Variants in TMEM131 observed in about 807,000 individuals in gnomAD.
TMEM131 encodes the protein 2610524E03Rik.
In TMEM131, 66 loss-of-function variants were observed where a neutral mutation model predicts 211.6. That is an observed-to-expected ratio of 0.31 (90% CI 0.26 to 0.38). The LOEUF (loss-of-function observed/expected upper bound fraction) is 0.38. TMEM131 is among the 10% of genes least tolerant of loss of function. The pLI is 1.00. For missense variants in TMEM131, 2,036 were observed against 2,299.3 expected, an observed-to-expected ratio of 0.89 and a Z score of 2.34; for synonymous variants, 844 against 841.3, an observed-to-expected ratio of 1.00 and a Z score of -0.06.
chr2:97,817,149 C>T (rs559309226), intron 12 of TMEM131, among the ~76,000 whole-genome samples: 1 of 151,842 alleles, frequency 6.6e-6, no homozygotes, highest in Non-Finnish European at 1.5e-5. Flanking sequence ...AATGACATCG[C>T]ATTTATCTCA....
Position 97,766,160 on chromosome 2 carries a change from A to G in TMEM131, c.4677T>C (p.Ser1559=). The G allele has an allele frequency of 6.2e-7, 1 of 1,614,030 alleles. No homozygotes were observed. The highest frequency in any genetic ancestry group is 1.7e-5 in the Admixed American group (1 of 60,020). The change falls in exon 35 of 41, where the codon TCT becomes TCC. Residue 1559 remains serine (S), a synonymous_variant. Transcript: ENST00000186436. ...NTSSSEGEKD[S]PPPEWDSVPV... is the part of the protein sequence containing the mutation. ...GAACGGAATCCCACTCCGGTGGAGG[A>G]GAGTCTTTTTCACCCTCTGAGCTAC...
At chr2:97,924,169 G>A (rs1382546301) in intron 2 of TMEM131, among the ~76,000 whole-genome samples, 8 of 152,150 alleles carry the variant, frequency 5.3e-5, no homozygotes, top group African/African-American at 1.4e-4. Flanking sequence ...AAGATGGCTT[G>A]AGGCTAGGAA....
At chr2:97,839,250 C>A (rs1016317549) in intron 7 of TMEM131, among the ~76,000 whole-genome samples, 1 of 152,100 alleles carries the variant, frequency 6.6e-6, no homozygotes, top group Non-Finnish European at 1.5e-5. Context: ...TTGGTTGAGC[C>A]TGGGAGGTCA....
chr2:97,940,194 AT>A (rs1019415970), intron 1 of TMEM131, among the ~76,000 whole-genome samples: 1 of 152,218 alleles, frequency 6.6e-6, no homozygotes, highest in African/African-American at 2.4e-5. Flanking sequence ...GGAGAAAGAA[AT>A]AAAGGGGTAT....
intron 19 of TMEM131, among the ~76,000 whole-genome samples, chr2:97,808,671 C>T (rs1424272052): frequency 3.3e-5 from 5 of 152,162 alleles, no homozygotes; most frequent in African/African-American, 7.2e-5. Context: ...TGGGAAGAAA[C>T]GATCTCTCAT....
intron 1 of TMEM131, among the ~76,000 whole-genome samples, chr2:97,977,591 T>C (rs902634206): frequency 1.3e-5 from 2 of 152,238 alleles, no homozygotes; most frequent in Non-Finnish European, 2.9e-5. Flanking sequence ...TTACACTGTA[T>C]TGTAATCTAT....
At chr2:97,891,366 C>G (rs902910948) in intron 3 of TMEM131, among the ~76,000 whole-genome samples, 4 of 152,112 alleles carry the variant, frequency 2.6e-5, no homozygotes, top group African/African-American at 7.2e-5. Context: ...ACAGATGCAG[C>G]ATGCCAGTGT....
chr2:97,995,737 C>G lies in TMEM131; in HGVS notation c.-75G>C. The G allele has an allele frequency of 9.1e-7, 1 of 1,098,996 alleles. No individual in the cohort carries two copies. Among genetic ancestry groups the G allele is most frequent in the African/African-American group, 1.7e-5 (1 of 60,512 alleles). The allele number at this position is 1,098,996 out of a possible 1,614,324, so 68.1% of individuals were successfully genotyped here. ...GGCGAGGCGGCGGCGGCGCGGAAGC[C>G]GTGGTCCGGGCTCTGGCCGCGGCGC... On this transcript the variant is annotated 5_prime_UTR_variant, in exon 1 of 41. Transcript: ENST00000186436.
intron 31 of TMEM131, among the ~76,000 whole-genome samples, chr2:97,789,181 AG>A (rs1680385774): frequency 1.3e-5 from 2 of 152,234 alleles, no homozygotes; most frequent in Admixed American, 1.3e-4. Flanking sequence ...AGCACTCTTC[AG>A]CCTCTGCTTT....
chr2:97,853,660 T>C (rs1673721375), intron 5 of TMEM131, among the ~76,000 whole-genome samples: 1 of 150,458 alleles, frequency 6.6e-6, no homozygotes, highest in African/African-American at 2.4e-5. Context: ...GGTTAAAATG[T>C]CAACAATAGG....
chr2:97,937,348 AGGTT>A (rs1268060090), intron 1 of TMEM131, among the ~76,000 whole-genome samples: 7 of 152,272 alleles, frequency 4.6e-5, no homozygotes, highest in South Asian at 4.1e-4. Flanking sequence ...ACTCAAAAAT[AGGTT>A]GGTTAAGATT....
intron 2 of TMEM131, among the ~76,000 whole-genome samples, chr2:97,921,953 A>C (rs141479354): frequency 6.6e-5 from 10 of 152,354 alleles, no homozygotes; most frequent in East Asian, 3.9e-4. Flanking sequence ...AAACTAAAAC[A>C]ACCACTTTGG....
intron 3 of TMEM131, among the ~76,000 whole-genome samples, chr2:97,892,064 A>G (rs1352507117): frequency 3.3e-5 from 5 of 152,364 alleles, no homozygotes; most frequent in Non-Finnish European, 7.3e-5. Context: ...ATTTAAATGA[A>G]TAAGACTTCT....
intron 1 of TMEM131, among the ~76,000 whole-genome samples, chr2:97,938,932 G>A (rs1677580321): frequency 6.6e-6 from 1 of 152,004 alleles, no homozygotes; most frequent in Non-Finnish European, 1.5e-5. Context: ...ATGACTACTG[G>A]GTACATAACG....
intron 5 of TMEM131, among the ~76,000 whole-genome samples, chr2:97,852,954 A>C (rs918509384): frequency 6.6e-6 from 1 of 152,252 alleles, no homozygotes; most frequent in Non-Finnish European, 1.5e-5. Context: ...CCTAGATAAC[A>C]GCACATCTAT....
At chr2:97,954,472 G>A (rs1678467972) in intron 1 of TMEM131, among the ~76,000 whole-genome samples, 1 of 152,198 alleles carries the variant, frequency 6.6e-6, no homozygotes, top group South Asian at 2.1e-4. Context: ...GAAATGGCCT[G>A]CATATACCCA....
At chr2:97,936,024 C>T (rs1206568204) in intron 1 of TMEM131, among the ~76,000 whole-genome samples, 2 of 152,154 alleles carry the variant, frequency 1.3e-5, no homozygotes, top group African/African-American at 4.8e-5. Context: ...GCCTGATTTC[C>T]AGAGAACTGT....
At chr2:97,758,088 T>C (rs1383475052) in intron 40 of TMEM131, among the ~76,000 whole-genome samples, 5 of 149,950 alleles carry the variant, frequency 3.3e-5, no homozygotes, top group Admixed American at 6.7e-5. Flanking sequence ...GCCGAGATTG[T>C]GCCACTGCAC....
chr2:97,916,234 C>T (rs966641612), intron 2 of TMEM131, among the ~76,000 whole-genome samples: 2 of 152,194 alleles, frequency 1.3e-5, no homozygotes, highest in Non-Finnish European at 2.9e-5. Context: ...GTTTCTGAAC[C>T]CGCTATTTAT....
Sources: gnomAD v4.1 joint callset for allele counts (sites outside exome capture counted in the v4.1 genomes callset) on GRCh38, gnomAD v4.1.1 for gene constraint, MANE v1.5 for transcripts, NCBI Gene and HGNC (gene_info 2026-07-23, HGNC 2026-07-21) for gene names.